GRM8: variants seen among roughly 807,000 people sequenced by gnomAD.
GRM8 encodes glutamate metabotropic receptor 8, also known as metabotropic glutamate receptor 8.
A neutral mutation model predicts 87.2 loss-of-function variants in GRM8; 47 were observed. The observed-to-expected ratio is 0.54, with a 90% CI of 0.43 to 0.69. The LOEUF (loss-of-function observed/expected upper bound fraction) is 0.69. Ranked by LOEUF, GRM8 falls within the 30% of genes least tolerant of loss-of-function variation. The probability of loss-of-function intolerance (pLI) is 0.00; values close to 1 mark genes in which losing one functional copy is unlikely to be tolerated. For synonymous variants in GRM8, 396 were observed against 404.5 expected (o/e 0.98, Z 0.25); for missense variants, 1,019 against 1,139.2 (o/e 0.89, Z 1.52).
At chr7:126,937,317 T>C (rs1434887095) in intron 3 of GRM8, among the ~76,000 whole-genome samples, 1 of 152,180 alleles carries the variant, frequency 6.6e-6, no homozygotes, top group African/African-American at 2.4e-5. Context: ...CAAAAGGTAG[T>C]TAAAAACTAC....
intron 3 of GRM8, among the ~76,000 whole-genome samples, chr7:127,054,537 A>G (rs1423573227): frequency 2.0e-5 from 3 of 152,202 alleles, no homozygotes; most frequent in African/African-American, 7.2e-5. Flanking sequence ...GACAGAAAAC[A>G]GAAAACAACA....
At chr7:126,944,157 A>C (rs1407410006) in intron 3 of GRM8, among the ~76,000 whole-genome samples, 1 of 152,226 alleles carries the variant, frequency 6.6e-6, no homozygotes, top group East Asian at 1.9e-4. Flanking sequence ...TGAGAGACTA[A>C]GCTGACATGG....
intron 3 of GRM8, among the ~76,000 whole-genome samples, chr7:126,949,177 A>C (rs887594839): frequency 6.6e-6 from 1 of 152,212 alleles, no homozygotes; most frequent in Admixed American, 6.5e-5. Context: ...ATAATTATTA[A>C]CATTTAGCAT....
intron 3 of GRM8, among the ~76,000 whole-genome samples, chr7:127,090,714 C>CA (rs35504443): frequency 0.24 from 36,828 of 152,002 alleles, 5,179 homozygotes; most frequent in African/African-American, 0.39. Context: ...CCTCCGGTTG[C>CA]GGCACTGGCA....
intron 6 of GRM8, among the ~76,000 whole-genome samples, chr7:126,816,862 T>C (rs1166805846): frequency 6.6e-6 from 1 of 151,966 alleles, no homozygotes; most frequent in Non-Finnish European, 1.5e-5. Flanking sequence ...AATTATCAAC[T>C]CATGGGCAAT....
chr7:127,206,390 G>T (rs1038359930), intron 2 of GRM8, among the ~76,000 whole-genome samples: 2 of 152,186 alleles, frequency 1.3e-5, no homozygotes, highest in African/African-American at 2.4e-5. Flanking sequence ...AATTCTGAAG[G>T]ATTGATTCCA....
chr7:127,070,026 G>A (rs922556599), intron 3 of GRM8, among the ~76,000 whole-genome samples: 10 of 152,168 alleles, frequency 6.6e-5, no homozygotes, highest in African/African-American at 1.9e-4. Flanking sequence ...AAAATTATTC[G>A]TCATCACGAT....
At chr7:126,934,910 A>G (rs1806141823) in intron 3 of GRM8, among the ~76,000 whole-genome samples, 1 of 152,202 alleles carries the variant, frequency 6.6e-6, no homozygotes, top group Non-Finnish European at 1.5e-5. Flanking sequence ...TTTCTTAAAT[A>G]TTGGAAGCAT....
intron 6 of GRM8, among the ~76,000 whole-genome samples, chr7:126,819,238 C>T (rs561914719): frequency 1.3e-5 from 2 of 150,988 alleles, no homozygotes; most frequent in Admixed American, 1.3e-4. Context: ...CCTCACTCTC[C>T]CCTTTCTCAC....
rs532522402 is a variant in GRM8 at position 126,676,150 on chromosome 7, A to C, written c.1358-66652T>G. Among the ~76,000 whole-genome samples the C allele has an allele frequency of 4.6e-5, 7 of 152,308 alleles. No homozygotes were observed. The South Asian group carries it at 1.5e-3, about 32-fold the overall frequency. ...CCCATTTATTATAGCTACAAAGAAC[A>C]AATGAACCTAGGAATATACTTAACC... On this transcript the variant is annotated intron_variant, in intron 7 of 10. Coordinates refer to ENST00000339582, the MANE Select transcript of GRM8 (RefSeq NM_000845.3).
chr7:127,205,882 C>T (rs1795882797), intron 2 of GRM8, among the ~76,000 whole-genome samples: 3 of 152,100 alleles, frequency 2.0e-5, no homozygotes, highest in African/African-American at 7.2e-5. Flanking sequence ...GGCACCTATC[C>T]ACAAAATAGG....
Position 127,035,771 on chromosome 7 carries a change from T to C in GRM8, c.727+70725A>G, listed in dbSNP as rs373614248. Among the ~76,000 whole-genome samples, 59 of 152,276 alleles carry C rather than the reference T, an allele frequency of 3.9e-4. No individual in the cohort carries two copies. In the East Asian group the frequency reaches 9.7e-3, roughly 25 times the overall value. ...ATGCCTAGAGGGACCTATTAAAAAA[T>C]GTTAGTTAATTCTTCCCGTAGAGGA... On this transcript the variant is annotated intron_variant, in intron 3 of 10. Transcript: ENST00000339582.
chr7:127,209,812 A>G (rs1403275566), intron 2 of GRM8, among the ~76,000 whole-genome samples: 1 of 152,216 alleles, frequency 6.6e-6, no homozygotes, highest in Admixed American at 6.5e-5. Flanking sequence ...ATGAACTCTC[A>G]GCAAATACTA....
intron 8 of GRM8, among the ~76,000 whole-genome samples, chr7:126,567,646 A>T (rs930224429): frequency 3.3e-5 from 5 of 152,160 alleles, no homozygotes; most frequent in Admixed American, 1.3e-4. Flanking sequence ...GTGGTAAATA[A>T]ATTAGCTCTC....
intron 2 of GRM8, among the ~76,000 whole-genome samples, chr7:127,121,965 G>T (rs959549902): frequency 6.6e-6 from 1 of 152,142 alleles, no homozygotes; most frequent in African/African-American, 2.4e-5. Flanking sequence ...TGATTGAATT[G>T]TTGACACCCT....
chr7:126,854,321 T>C lies in GRM8; in HGVS notation c.1156+48221A>G, dbSNP rs1797484230. Among the ~76,000 whole-genome samples the C allele has an allele frequency of 1.3e-5, 2 of 152,216 alleles. 1 individual carries two copies. The highest frequency in any genetic ancestry group is 4.1e-4 in the South Asian group (2 of 4,832). On this transcript the variant is annotated intron_variant, in intron 6 of 10. Transcript: ENST00000339582. Reference sequence around the variant, plus strand: ...TTTTGCCACTGCCTCTCTTACACCATGAAGTCCAGAAAAATTGAACTATCT... The same window carrying C: ...TTTTGCCACTGCCTCTCTTACACCACGAAGTCCAGAAAAATTGAACTATCT...
chr7:126,738,593 C>T (rs1401936974), intron 7 of GRM8, among the ~76,000 whole-genome samples: 2 of 150,228 alleles, frequency 1.3e-5, no homozygotes, highest in Non-Finnish European at 2.9e-5. Context: ...GTGAAGGATA[C>T]AGTTGGAGAA....
chr7:127,234,080 T>A (rs1228980421), intron 2 of GRM8, among the ~76,000 whole-genome samples: 3 of 152,224 alleles, frequency 2.0e-5, no homozygotes, highest in Non-Finnish European at 4.4e-5. Flanking sequence ...AAGGGCCTCT[T>A]GTGACCCTCT....
At chr7:126,575,486 C>T (rs1479325177) in intron 8 of GRM8, among the ~76,000 whole-genome samples, 2 of 151,954 alleles carry the variant, frequency 1.3e-5, no homozygotes, top group African/African-American at 4.8e-5. Flanking sequence ...AACCATCCCT[C>T]TCACCCCAAG....
Sources: allele counts gnomAD v4.1 joint callset (sites outside exome capture counted in the v4.1 genomes callset), GRCh38; gene constraint gnomAD v4.1.1; transcripts MANE v1.5; gene names NCBI Gene and HGNC (gene_info 2026-07-23, HGNC 2026-07-21).